Variants in DGLUCY observed in about 807,000 individuals in gnomAD.
DGLUCY encodes the protein D-glutamate cyclase, mitochondrial.
In DGLUCY, 58 loss-of-function variants were observed where a neutral mutation model predicts 58.5. That is an observed-to-expected ratio of 0.99 (90% CI 0.80 to 1.23). DGLUCY has a LOEUF of 1.23. Among genes scored for constraint, DGLUCY ranks in the 50% most tolerant of loss-of-function variants. DGLUCY has a pLI of 0.00. For missense variants in DGLUCY, 779 were observed against 784.7 expected (o/e 0.99, Z 0.09); for synonymous variants, 325 against 314.1 (o/e 1.03, Z -0.37).
At position 91,160,273 on chromosome 14, in the gene DGLUCY, G is replaced by A. The variant is rs779068765; in HGVS notation, c.-22G>A. The stretch of plus-strand genomic sequence containing the variant: ...TTTCCTTCCCTCACCCAGATTCTCT[G>A]CTACTTATTCAAGTTGACACGATGC... On this transcript the variant is annotated 5_prime_UTR_variant, in exon 3 of 14. Transcript: ENST00000256324. The A allele has an allele frequency of 6.3e-6, 10 of 1,579,666 alleles. No homozygotes were observed. The African/African-American group carries it at 1.4e-4, about 21-fold the overall frequency.
chr14:91,202,397 A>G (rs1350802563), intron 11 of DGLUCY, among the ~76,000 whole-genome samples: 1 of 152,162 alleles, frequency 6.6e-6, no homozygotes, highest in Non-Finnish European at 1.5e-5. Context: ...TTGTCATTGC[A>G]TGTTTCCAAG....
intron 7 of DGLUCY, among the ~76,000 whole-genome samples, chr14:91,176,947 T>C: frequency 6.6e-6 from 1 of 150,708 alleles, no homozygotes; most frequent in African/African-American, 2.5e-5. Context: ...CCTTCCCTTC[T>C]TCTTTCTTCT....
At chr14:91,123,849 A>G (rs1187281706) in intron 1 of DGLUCY, among the ~76,000 whole-genome samples, 1 of 151,218 alleles carries the variant, frequency 6.6e-6, no homozygotes, top group African/African-American at 2.4e-5. Flanking sequence ...AAGTGCTGGG[A>G]TTACACGCAT....
At chr14:91,085,633 G>A (rs548059922) in intron 1 of DGLUCY, among the ~76,000 whole-genome samples, 34 of 149,908 alleles carry the variant, frequency 2.3e-4, no homozygotes, top group South Asian at 6.3e-4. Context: ...GCAATGGCAC[G>A]ATCTCAGCTC....
rs375960847 is a variant in DGLUCY at position 91,165,259 on chromosome 14, C to G, written c.104-1966C>G. The G allele has an allele frequency of 5.9e-5, 27 of 456,212 alleles. 1 individual carries two copies. The highest frequency in any genetic ancestry group is 3.9e-4 in the South Asian group (25 of 64,552). 28.3% of individuals were successfully genotyped at this position (456,212 alleles called of 1,614,324 possible). The stretch of plus-strand genomic sequence containing the variant: ...AACATCTACACAGGATTTCATTGAA[C>G]AGTAACTTTAGTCCCTGCTTCCTGA... On this transcript the variant is annotated intron_variant, in intron 3 of 13. Coordinates refer to ENST00000256324, the MANE Select transcript of DGLUCY (RefSeq NM_001102368.3).
At chr14:91,121,615 T>TAAC (rs2045367016) in intron 1 of DGLUCY, among the ~76,000 whole-genome samples, 2 of 32,910 alleles carry the variant, frequency 6.1e-5, no homozygotes, top group South Asian at 2.7e-3. Flanking sequence ...TCAAAAATAA[T>TAAC]AATAATAATA....
At chr14:91,062,158 A>G (rs1159613398) in intron 1 of DGLUCY, among the ~76,000 whole-genome samples, 2 of 152,250 alleles carry the variant, frequency 1.3e-5, no homozygotes, top group South Asian at 2.1e-4. Context: ...CTGTGTTCCA[A>G]TAGAATATTT....
chr14:91,165,257 A>G (rs1241843932), intron 3 of DGLUCY: 3 of 456,082 alleles, frequency 6.6e-6, no homozygotes, highest in Non-Finnish European at 1.3e-5. Context: ...GATTTCATTG[A>G]ACAGTAACTT....
intron 1 of DGLUCY, among the ~76,000 whole-genome samples, chr14:91,085,198 G>A (rs1566934884): frequency 6.7e-6 from 1 of 150,062 alleles, no homozygotes. Context: ...CTCTAGCCTG[G>A]GTGACAGAGC....
intron 1 of DGLUCY, among the ~76,000 whole-genome samples, chr14:91,126,007 A>T (rs1221950913): frequency 6.6e-6 from 1 of 152,110 alleles, no homozygotes. Context: ...ACCATCCTCA[A>T]CCCAAGCATT....
At chr14:91,217,286 C>T (rs974125694) in intron 13 of DGLUCY, among the ~76,000 whole-genome samples, 15 of 150,114 alleles carry the variant, frequency 1.0e-4, no homozygotes, top group South Asian at 6.3e-4. Flanking sequence ...AGGTGGGTGC[C>T]GAAGGTTGTG....
At chr14:91,061,586 A>C (rs545010132) in intron 1 of DGLUCY, among the ~76,000 whole-genome samples, 1 of 152,260 alleles carries the variant, frequency 6.6e-6, no homozygotes, top group Non-Finnish European at 1.5e-5. Context: ...TTTTAGGGCA[A>C]GGAGGCATTT....
At chr14:91,124,348 C>T (rs978934703) in intron 1 of DGLUCY, among the ~76,000 whole-genome samples, 1 of 152,186 alleles carries the variant, frequency 6.6e-6, no homozygotes, top group Non-Finnish European at 1.5e-5. Context: ...CTGATGCCTC[C>T]TCTTCTCTCT....
chr14:91,196,414 G>A lies in DGLUCY; in HGVS notation c.1235G>A (p.Gly412Asp), dbSNP rs1322352434. 1.2e-6 allele frequency: 2 copies of A among 1,614,108 alleles called. No homozygotes were observed. Among genetic ancestry groups the A allele is most frequent in the Non-Finnish European group, 1.7e-6 (2 of 1,180,032 alleles). ...CAGATCCCGATATTAACTTACCAAG[G>A]TGGATCAGTGGAAGCTGCTCAGGCA... The part of the protein sequence containing the change: ...KTQIPILTYQ[G>D]GSVEAAQAFL... The change falls in exon 10 of 14, where the codon GGT becomes GAT. Residue 412 changes from glycine to aspartate, a missense_variant. Physicochemically the swap from Gly to Asp is moderately conservative, Grantham distance 94. Transcript: ENST00000256324.
At chr14:91,120,790 C>T (rs2045309361) in intron 1 of DGLUCY, among the ~76,000 whole-genome samples, 1 of 152,170 alleles carries the variant, frequency 6.6e-6, no homozygotes, top group Non-Finnish European at 1.5e-5. Flanking sequence ...GGCAAGTCTA[C>T]CTCTTCCAGT....
chr14:91,142,476 A>G (rs75239568), intron 1 of DGLUCY, among the ~76,000 whole-genome samples: 149 of 152,258 alleles, frequency 9.8e-4, no homozygotes, highest in African/African-American at 3.5e-3. Context: ...TTCTTTGAGT[A>G]GAAGAGGAAG....
intron 1 of DGLUCY, among the ~76,000 whole-genome samples, chr14:91,100,104 A>T (rs2044462451): frequency 6.6e-6 from 1 of 151,728 alleles, no homozygotes; most frequent in East Asian, 1.9e-4. Flanking sequence ...AGAAAATTAG[A>T]TGGTTTCGAA....
At chr14:91,169,083 T>A (rs1230792954) in intron 4 of DGLUCY, among the ~76,000 whole-genome samples, 1 of 149,556 alleles carries the variant, frequency 6.7e-6, no homozygotes, top group African/African-American at 2.5e-5. Context: ...CAAGACTCTG[T>A]CTCAAAAAAA....
At chr14:91,201,110 A>T (rs1015484876) in intron 11 of DGLUCY, among the ~76,000 whole-genome samples, 1 of 152,100 alleles carries the variant, frequency 6.6e-6, no homozygotes, top group Non-Finnish European at 1.5e-5. Flanking sequence ...GGGAGGGTGT[A>T]TTGTCACAAA....
Sources: gnomAD v4.1 joint callset for allele counts (sites outside exome capture counted in the v4.1 genomes callset) on GRCh38, gnomAD v4.1.1 for gene constraint, MANE v1.5 for transcripts, NCBI Gene and HGNC (gene_info 2026-07-23, HGNC 2026-07-21) for gene names.